The following NAALADL2 variants were observed in gnomAD, a reference collection of about 807,000 sequenced individuals.
NAALADL2 encodes the protein N-acetylated alpha-linked acidic dipeptidase like 2, also known as inactive N-acetylated-alpha-linked acidic dipeptidase-like protein 2.
NAALADL2 carries 76 observed loss-of-function variants against 87.2 expected under a neutral mutation model. The ratio of observed to expected loss-of-function variants is 0.87; its 90% CI spans 0.72 to 1.05. The LOEUF is 1.05. NAALADL2 is among the 50% of genes least tolerant of loss of function. The probability of loss-of-function intolerance (pLI) is 0.00; values close to 1 mark genes in which losing one functional copy is unlikely to be tolerated. For synonymous variants in NAALADL2, 354 were observed against 331.0 expected, an observed-to-expected ratio of 1.07 and a Z score of -0.75; for missense variants, 1,089 against 945.8, an observed-to-expected ratio of 1.15 and a Z score of -1.99.
chr3:174,692,763 T>C (rs1391278198), intron 2 of NAALADL2, among the ~76,000 whole-genome samples: 1 of 152,048 alleles, frequency 6.6e-6, no homozygotes, highest in African/African-American at 2.4e-5. Context: ...AACTTGGCTA[T>C]GTGTTGTTTA....
At chr3:175,636,319 T>G (rs1254345658) in intron 11 of NAALADL2, among the ~76,000 whole-genome samples, 5 of 152,066 alleles carry the variant, frequency 3.3e-5, no homozygotes, top group African/African-American at 1.2e-4. Flanking sequence ...ATTTGACAGA[T>G]GAGAAAAACC....
At chr3:175,700,766 T>G (rs779217758) in intron 11 of NAALADL2, among the ~76,000 whole-genome samples, 39 of 152,248 alleles carry the variant, frequency 2.6e-4, no homozygotes, top group Non-Finnish European at 4.3e-4. Context: ...TACCCTGGTT[T>G]GTATTTTTAT....
intron 1 of NAALADL2, among the ~76,000 whole-genome samples, chr3:174,455,115 A>G (rs1465111545): frequency 6.6e-6 from 1 of 152,196 alleles, no homozygotes; most frequent in Non-Finnish European, 1.5e-5. Flanking sequence ...TGTGCATACA[A>G]ACTAAAAAAT....
At chr3:175,516,142 G>A (rs1731803041) in intron 9 of NAALADL2, among the ~76,000 whole-genome samples, 1 of 152,204 alleles carries the variant, frequency 6.6e-6, no homozygotes, top group African/African-American at 2.4e-5. Context: ...TGCATGGAAT[G>A]TGTGGTAATT....
Position 175,148,091 on chromosome 3 carries a change from G to GATAATA in NAALADL2, c.545+50829_545+50834dup, listed in dbSNP as rs777779002. On this transcript the variant is annotated intron_variant, in intron 2 of 13. Coordinates refer to ENST00000454872, the MANE Select transcript of NAALADL2 (RefSeq NM_207015.3). The stretch of plus-strand genomic sequence containing the variant: ...GTCTCAAAATAATAATAATGATAAT[G>GATAATA]ATAATAATAATAATAATAATAATAA... 7.1e-3 allele frequency among the ~76,000 whole-genome samples: 786 copies of GATAATA among 110,726 alleles called. 9 individuals carry two copies. The highest frequency in any genetic ancestry group is 0.024 in the African/African-American group (710 of 29,322). 72.6% of individuals were successfully genotyped at this position (110,726 alleles called of 152,430 possible).
chr3:174,820,738 G>A (rs1721326434), intron 3 of NAALADL2, among the ~76,000 whole-genome samples: 1 of 152,090 alleles, frequency 6.6e-6, no homozygotes. Flanking sequence ...CAGCCAAGAT[G>A]TAGGGAAAAG....
At chr3:174,975,738 G>C (rs968029438) in intron 1 of NAALADL2, among the ~76,000 whole-genome samples, 41 of 152,132 alleles carry the variant, frequency 2.7e-4, no homozygotes, top group Non-Finnish European at 1.0e-4. Context: ...GTTGACTCTT[G>C]GAGCCATGTG....
chr3:175,638,625 G>C (rs111581265), intron 11 of NAALADL2, among the ~76,000 whole-genome samples: 3 of 152,128 alleles, frequency 2.0e-5, no homozygotes. Flanking sequence ...AGCTTCTTCC[G>C]GTACTAGTTA....
chr3:175,281,844 T>G (rs983190751), intron 4 of NAALADL2, among the ~76,000 whole-genome samples: 5 of 152,054 alleles, frequency 3.3e-5, no homozygotes, highest in Non-Finnish European at 7.4e-5. Context: ...CCATCTGGAA[T>G]GCTCAACTTC....
chr3:174,786,449 C>A (rs1390965782), intron 3 of NAALADL2, among the ~76,000 whole-genome samples: 43 of 122,634 alleles, frequency 3.5e-4, no homozygotes, highest in African/African-American at 8.4e-4. Flanking sequence ...GACTCTGTCT[C>A]AAAAAAAAAA....
chr3:175,590,108 A>G (rs1487765105), intron 10 of NAALADL2, among the ~76,000 whole-genome samples: 1 of 151,990 alleles, frequency 6.6e-6, no homozygotes, highest in East Asian at 1.9e-4. Flanking sequence ...GCTACTCAGC[A>G]GGCTGAGGCA....
intron 1 of NAALADL2, among the ~76,000 whole-genome samples, chr3:174,891,211 T>C (rs1730832337): frequency 6.6e-6 from 1 of 152,016 alleles, no homozygotes; most frequent in Non-Finnish European, 1.5e-5. Context: ...AAATTGAGAA[T>C]AGTAAAATAT....
intron 2 of NAALADL2, among the ~76,000 whole-genome samples, chr3:174,735,254 ATATAAT>A (rs1560181972): frequency 6.6e-6 from 1 of 152,254 alleles, no homozygotes; most frequent in Non-Finnish European, 1.5e-5. Flanking sequence ...TTAAAATAAC[ATATAAT>A]TATATCAGTC....
intron 1 of NAALADL2, among the ~76,000 whole-genome samples, chr3:175,055,947 A>C (rs1366807525): frequency 1.3e-5 from 2 of 152,284 alleles, no homozygotes; most frequent in East Asian, 3.9e-4. Context: ...AAAAGGACCA[A>C]ATGTAGCTAT....
intron 7 of NAALADL2, among the ~76,000 whole-genome samples, chr3:175,465,509 C>G (rs1418495791): frequency 3.2e-5 from 4 of 123,642 alleles, no homozygotes; most frequent in African/African-American, 1.4e-4. Flanking sequence ...GAGTCTTGCT[C>G]TATCACGGGG....
chr3:175,616,461 T>C (rs905704431), intron 10 of NAALADL2, among the ~76,000 whole-genome samples: 3 of 152,114 alleles, frequency 2.0e-5, no homozygotes, highest in Non-Finnish European at 4.4e-5. Flanking sequence ...ATTACTTACA[T>C]CTCATTTTTT....
chr3:174,553,508 C>T (rs936893686), intron 2 of NAALADL2, among the ~76,000 whole-genome samples: 12 of 152,054 alleles, frequency 7.9e-5, no homozygotes, highest in African/African-American at 2.9e-4. Flanking sequence ...GATAATGTTG[C>T]TTTATATTGA....
intron 1 of NAALADL2, among the ~76,000 whole-genome samples, chr3:175,011,292 G>C (rs866403213): frequency 5.3e-5 from 8 of 150,600 alleles, no homozygotes; most frequent in African/African-American, 1.7e-4. Flanking sequence ...GAGAGAGAGA[G>C]AGAGAGAGAG....
At chr3:175,391,756 T>A (rs906161268) in intron 5 of NAALADL2, among the ~76,000 whole-genome samples, 3 of 152,298 alleles carry the variant, frequency 2.0e-5, no homozygotes, top group Non-Finnish European at 2.9e-5. Context: ...AGATAACTAA[T>A]GCACATACTA....
Sources: allele counts gnomAD v4.1 joint callset (sites outside exome capture counted in the v4.1 genomes callset), GRCh38; gene constraint gnomAD v4.1.1; transcripts MANE v1.5; gene names NCBI Gene and HGNC (gene_info 2026-07-23, HGNC 2026-07-21).